The following DPP10 variants were observed in gnomAD, a reference collection of about 807,000 sequenced individuals.
The protein encoded by DPP10 is inactive dipeptidyl peptidase 10.
In DPP10, 33 loss-of-function variants were observed where a neutral mutation model predicts 120.9. That is an observed-to-expected ratio of 0.27 (90% CI 0.21 to 0.37). The LOEUF (loss-of-function observed/expected upper bound fraction) is 0.37, where lower values mean the gene tolerates loss of function less well. Ranked by LOEUF, DPP10 falls within the 10% of genes least tolerant of loss-of-function variation. The pLI, the probability that DPP10 is intolerant of heterozygous loss-of-function variation, is 1.00. For missense variants in DPP10, 816 were observed against 942.8 expected, an observed-to-expected ratio of 0.87 and a Z score of 1.76; for synonymous variants, 337 against 326.1, an observed-to-expected ratio of 1.03 and a Z score of -0.36.
rs192070935 is a variant in DPP10, at chr2:114,713,040, G to A, written c.60+270202G>A. ...TTGCTCTTGTTACCCAGGCTGGAGT[G>A]CAATGGTGTGATCTCAGCTCACTGC... On this transcript the variant is annotated intron_variant, in intron 1 of 25. Transcript: ENST00000410059. Among the ~76,000 whole-genome samples, 1,139 of 145,806 alleles carry A rather than the reference G, an allele frequency of 7.8e-3. 13 individuals carry two copies. The highest frequency in any genetic ancestry group is 0.027 in the African/African-American group (1,071 of 39,452).
intron 1 of DPP10, among the ~76,000 whole-genome samples, chr2:114,713,992 A>C (rs893356069): frequency 5.3e-4 from 81 of 151,422 alleles, no homozygotes; most frequent in African/African-American, 1.9e-3. Context: ...CAAAAAAAAA[A>C]AAGAAAAAAA....
chr2:114,469,727 C>T (rs1350436076), intron 1 of DPP10, among the ~76,000 whole-genome samples: 1 of 151,102 alleles, frequency 6.6e-6, no homozygotes, highest in East Asian at 1.9e-4. Context: ...GACTCCATCT[C>T]AAAAAAAACA....
intron 5 of DPP10, among the ~76,000 whole-genome samples, chr2:115,588,382 A>G (rs565512210): frequency 1.2e-4 from 19 of 152,324 alleles, no homozygotes; most frequent in Non-Finnish European, 2.5e-4. Context: ...CATTCAGTCT[A>G]TTCATTAACC....
chr2:115,473,114 A>G (rs2074841552), intron 3 of DPP10, among the ~76,000 whole-genome samples: 1 of 152,212 alleles, frequency 6.6e-6, no homozygotes, highest in Non-Finnish European at 1.5e-5. Context: ...TTATTATAAC[A>G]TATTGTATTT....
rs779711161 is a variant in DPP10, at chr2:114,636,664, T to C, written c.60+193826T>C. 9.9e-5 allele frequency among the ~76,000 whole-genome samples: 15 copies of C among 151,918 alleles called. No individual in the cohort carries two copies. The South Asian group carries it at 1.0e-3, about 10-fold the overall frequency. On this transcript the variant is annotated intron_variant, in intron 1 of 25. Coordinates refer to ENST00000410059, the MANE Select transcript of DPP10 (RefSeq NM_020868.6). ...TCCTTGAATCAGGACAGAGAAAGCA[T>C]TTACAAAGAAAGGTGGCTCTGTTTC...
At chr2:115,757,992 C>T (rs1679636825) in intron 11 of DPP10, among the ~76,000 whole-genome samples, 1 of 151,972 alleles carries the variant, frequency 6.6e-6, no homozygotes, top group Non-Finnish European at 1.5e-5. Context: ...TAAGGGTATC[C>T]ATTCTCAGTA....
chr2:115,753,461 G>T (rs1575682706), intron 11 of DPP10, among the ~76,000 whole-genome samples, 164 bp downstream of exon 11: 1 of 152,196 alleles, frequency 6.6e-6, no homozygotes, highest in South Asian at 2.1e-4. Context: ...AATTTATAAA[G>T]CTTCCAAACT....
intron 3 of DPP10, chr2:115,468,734 G>A: frequency 2.6e-6 from 1 of 385,998 alleles, no homozygotes; most frequent in East Asian, 6.4e-5. Context: ...AGAATTTCAG[G>A]ATGAATGGCC....
chr2:114,665,394 C>A (rs1033326643), intron 1 of DPP10, among the ~76,000 whole-genome samples: 2 of 152,122 alleles, frequency 1.3e-5, no homozygotes, highest in African/African-American at 4.8e-5. Context: ...TTTGCATGCA[C>A]CCTTTTTTCT....
chr2:115,817,898 A>G (rs898124132), intron 21 of DPP10, among the ~76,000 whole-genome samples: 1 of 152,164 alleles, frequency 6.6e-6, no homozygotes, highest in Non-Finnish European at 1.5e-5. Context: ...TCATGAAAAA[A>G]AAGAGTGAAA....
chr2:115,140,339 C>A (rs2050861115), intron 1 of DPP10, among the ~76,000 whole-genome samples: 1 of 152,190 alleles, frequency 6.6e-6, no homozygotes, highest in Non-Finnish European at 1.5e-5. Flanking sequence ...GTTTAAGGAC[C>A]AGCAAGGCAG....
At chr2:115,073,979 A>G (rs1473104917) in intron 1 of DPP10, among the ~76,000 whole-genome samples, 2 of 152,186 alleles carry the variant, frequency 1.3e-5, no homozygotes, top group Non-Finnish European at 2.9e-5. Context: ...AGTGAGAAGA[A>G]GGTTGGCTGT....
At position 114,880,074 on chromosome 2, in the gene DPP10, C is replaced by T. The variant is rs74349968; in HGVS notation, c.61-429165C>T. ...TATTCCCTGTGGAGCTTTTTCACCT[C>T]CATTTTAGCTACTCTTAGAATCTGT... On this transcript the variant is annotated intron_variant, in intron 1 of 25. Transcript: ENST00000410059. 3.9e-3 allele frequency among the ~76,000 whole-genome samples: 591 copies of T among 152,260 alleles called. 4 individuals are homozygous for T. The highest frequency in any genetic ancestry group is 0.027 in the Middle Eastern group (8 of 294).
At chr2:115,194,107 T>A (rs935703818) in intron 1 of DPP10, among the ~76,000 whole-genome samples, 3 of 152,224 alleles carry the variant, frequency 2.0e-5, no homozygotes, top group African/African-American at 7.2e-5. Flanking sequence ...CCTTGTGAGG[T>A]GTGCTCACAA....
intron 21 of DPP10, among the ~76,000 whole-genome samples, chr2:115,816,755 C>CT (rs955914046): frequency 6.7e-6 from 1 of 150,098 alleles, no homozygotes; most frequent in Admixed American, 6.6e-5. Context: ...TAGCTGGGGA[C>CT]TACAAGCACG....
intron 1 of DPP10, among the ~76,000 whole-genome samples, chr2:115,104,638 T>C (rs1248696830): frequency 6.6e-6 from 1 of 152,134 alleles, no homozygotes; most frequent in Non-Finnish European, 1.5e-5. Context: ...ACCACTGCCC[T>C]CCAATATAAC....
intron 8 of DPP10, among the ~76,000 whole-genome samples, chr2:115,731,630 T>A (rs2092912869): frequency 1.3e-5 from 2 of 152,188 alleles, no homozygotes; most frequent in Non-Finnish European, 2.9e-5. Context: ...AATGTGTGTC[T>A]TTTGTTCCTA....
intron 1 of DPP10, among the ~76,000 whole-genome samples, chr2:114,834,974 T>C (rs1163529155): frequency 6.7e-6 from 1 of 149,962 alleles, no homozygotes; most frequent in Non-Finnish European, 1.5e-5. Context: ...TACACACCTA[T>C]GTATATAAAA....
At chr2:114,582,686 A>G (rs2105096544) in intron 1 of DPP10, among the ~76,000 whole-genome samples, 1 of 152,182 alleles carries the variant, frequency 6.6e-6, no homozygotes, top group African/African-American at 2.4e-5. Flanking sequence ...TTCGTTGATG[A>G]CGTATGATGT....
Sources: allele counts gnomAD v4.1 joint callset (sites outside exome capture counted in the v4.1 genomes callset), GRCh38; gene constraint gnomAD v4.1.1; transcripts MANE v1.5; gene names NCBI Gene and HGNC (gene_info 2026-07-23, HGNC 2026-07-21).